AHNAK: variants seen among roughly 807,000 people sequenced by gnomAD.
AHNAK encodes neuroblast differentiation-associated protein AHNAK.
AHNAK carries 23 observed loss-of-function variants against 37.8 expected under a neutral mutation model. The ratio of observed to expected loss-of-function variants is 0.61; its 90% CI spans 0.44 to 0.86. The LOEUF is 0.86. Ranked by LOEUF, AHNAK falls within the 40% of genes least tolerant of loss-of-function variation. The pLI is 0.00. For missense variants in AHNAK, 7,411 were observed against 7,319.4 expected (o/e 1.01, Z -0.46); for synonymous variants, 2,481 against 2,636.3 (o/e 0.94, Z 1.80).
rs1486423138 is a variant in AHNAK at position 62,530,672 on chromosome 11, C to A, written c.3745G>T (p.Asp1249Tyr). 2.5e-6 allele frequency: 4 copies of A among 1,613,714 alleles called. No individual in the cohort carries two copies. The Admixed American group carries it at 6.7e-5, about 27-fold the overall frequency. ...ATCTTGGGCATCTTCAGGTGCCAGT[C>A]TGGGCCTTGAACCTCCACATCTGGG... ...DAPDVEVQGP[D>Y]WHLKMPKMKM... is the part of the protein sequence containing the mutation. The change falls in exon 5 of 5, where the codon GAC (aspartate) becomes TAC (tyrosine). Residue 1249 changes from aspartate to tyrosine, a missense_variant. By Grantham distance (160) the Asp-to-Tyr change is radical (BLOSUM62 -3). Coordinates refer to ENST00000378024, the MANE Select transcript of AHNAK (RefSeq NM_001620.3).
intron 5 of AHNAK, among the ~76,000 whole-genome samples, chr11:62,451,174 G>A (rs945545530): frequency 1.0e-4 from 15 of 150,722 alleles, no homozygotes; most frequent in African/African-American, 3.6e-4. Flanking sequence ...TCCGCCTCCT[G>A]GCTTCAAAGC....
intron 4 of AHNAK, among the ~76,000 whole-genome samples, chr11:62,509,875 A>C (rs1939878184): frequency 6.6e-6 from 1 of 151,762 alleles, no homozygotes; most frequent in African/African-American, 2.4e-5. Context: ...CTAAGATCGC[A>C]CCACTACACT....
downstream of AHNAK, chr11:62,515,822 C>T (rs1186123929): frequency 1.2e-5 from 12 of 963,330 alleles, no homozygotes; most frequent in Admixed American, 4.9e-5. Context: ...CAGATGGATC[C>T]GGTCTGAACA....
intron 4 of AHNAK, among the ~76,000 whole-genome samples, chr11:62,497,881 T>C (rs993307904): frequency 2.0e-5 from 3 of 151,996 alleles, no homozygotes; most frequent in African/African-American, 7.3e-5. Context: ...GGAGAATCGC[T>C]TGAACCTGGG....
intron 5 of AHNAK, among the ~76,000 whole-genome samples, chr11:62,481,089 GTTTTTTTTTTTTTGGT>G (rs1468347268): frequency 7.4e-5 from 3 of 40,300 alleles, no homozygotes; most frequent in South Asian, 4.9e-3. Context: ...TCTTTTTTTG[GTTTTTTTTTTTTTGGT>G]TTTTTTTTTG....
chr11:62,493,583 C>A (rs73500219), intron 4 of AHNAK, among the ~76,000 whole-genome samples: 21,604 of 151,314 alleles, frequency 0.14, 3,876 homozygotes, highest in African/African-American at 0.42. Flanking sequence ...ATCCACTCAC[C>A]TCGGCCTCCC....
At chr11:62,469,709 C>G (rs545831947) in intron 5 of AHNAK, among the ~76,000 whole-genome samples, 1 of 152,228 alleles carries the variant, frequency 6.6e-6, no homozygotes, top group African/African-American at 2.4e-5. Context: ...CTCACGTGAT[C>G]TGCCCACCTC....
At chr11:62,537,121 C>G (rs894955784) in intron 1 of AHNAK, among the ~76,000 whole-genome samples, 1 of 151,792 alleles carries the variant, frequency 6.6e-6, no homozygotes, top group African/African-American at 2.4e-5. Context: ...GCACCACACC[C>G]GGCTAATTTT....
rs774494552 is a variant in AHNAK at position 62,528,638 on chromosome 11, C to A, written c.5779G>T (p.Val1927Leu). ...FKAPKISMPDVDLHLKGPKVK... is the reference protein window; with the variant it reads ...FKAPKISMPDLDLHLKGPKVK... ...TTGGGGCCTTTCAAGTGTAAGTCCACATCAGGCATGGAGATCTTGGGGGCC... is the reference window on the plus strand; with the variant it reads ...TTGGGGCCTTTCAAGTGTAAGTCCAAATCAGGCATGGAGATCTTGGGGGCC... The change falls in exon 5 of 5, where the codon GTG becomes TTG. Residue 1927 changes from valine (V) to leucine (L), a missense_variant. By Grantham distance (32) the Val-to-Leu change is conservative. Transcript: ENST00000378024. 7 of 1,610,658 alleles carry A rather than the reference C, an allele frequency of 4.3e-6. No homozygotes were observed. In the Admixed American group the frequency reaches 1.0e-4, roughly 23 times the overall value.
exon 6 of AHNAK, chr11:62,433,688 G>T: frequency 1.5e-6 from 1 of 656,898 alleles, no homozygotes; most frequent in Non-Finnish European, 2.6e-6. Flanking sequence ...GGCTTATGCA[G>T]CAGCCCTCGG....
intron 4 of AHNAK, chr11:62,491,932 C>T (rs1186711531): frequency 1.7e-5 from 17 of 1,022,214 alleles, no homozygotes. Flanking sequence ...CCAGAGACCC[C>T]ACGTTTACCA....
At position 62,532,287 on chromosome 11, in the gene AHNAK, C is replaced by T. The variant is rs899202572; in HGVS notation, c.2130G>A (p.Lys710=). 6.2e-7 allele frequency: 1 copy of T among 1,613,470 alleles called. No homozygotes were observed. Among genetic ancestry groups the T allele is most frequent in the Non-Finnish European group, 8.5e-7 (1 of 1,179,904 alleles). Residue 710 remains lysine, a synonymous_variant, in exon 5 of 5, where the codon AAG becomes AAA. Transcript: ENST00000378024. The part of the protein sequence containing the change: ...PDVDLHVKGT[K]VKGEYDVTVP... ...CAGTTACATCATACTCTCCCTTCACCTTTGTACCTTTCACGTGCAAATCTA... is the reference window on the plus strand; with the variant it reads ...CAGTTACATCATACTCTCCCTTCACTTTTGTACCTTTCACGTGCAAATCTA...
In AHNAK at chr11:62,533,753, C is replaced by G; in HGVS notation, c.664G>C (p.Val222Leu). 6.2e-7 allele frequency: 1 copy of G among 1,614,208 alleles called. No individual in the cohort carries two copies. The highest frequency in any genetic ancestry group is 8.5e-7 in the Non-Finnish European group (1 of 1,180,042). ...GAAATGGCCCCTGCTCGGATATCCA[C>G]AGCAGAGCCTGTCGGAGAGGCTGCC... ...SGAASPTGSA[V>L]DIRAGAISAS... Residue 222 changes from valine to leucine, a missense_variant, in exon 5 of 5, where the codon GTG (valine) becomes CTG (leucine). Transcript: ENST00000378024.
intron 5 of AHNAK, among the ~76,000 whole-genome samples, chr11:62,465,529 C>T (rs2134835706): frequency 6.6e-6 from 1 of 152,250 alleles, no homozygotes; most frequent in Non-Finnish European, 1.5e-5. Flanking sequence ...AGGAGAATCA[C>T]TTGAACCCAG....
At position 62,520,164 on chromosome 11, in the gene AHNAK, C is replaced by T. The variant is rs777157617; in HGVS notation, c.14253G>A (p.Lys4751=). The part of the protein sequence containing the change: ...VTLPKVEGDL[K]GPEADIKGPK... ...GGCCCTTGATGTCAGCTTCTGGGCCCTTGAGGTCACCTTCCACTTTAGGAA... is the reference window on the plus strand; with the variant it reads ...GGCCCTTGATGTCAGCTTCTGGGCCTTTGAGGTCACCTTCCACTTTAGGAA... Residue 4751 remains lysine, a synonymous_variant, in exon 5 of 5, where the codon AAG becomes AAA. Coordinates refer to ENST00000378024, the MANE Select transcript of AHNAK (RefSeq NM_001620.3). 1 of 1,613,432 alleles carries T rather than the reference C, an allele frequency of 6.2e-7. No individual in the cohort carries two copies.
In AHNAK at chr11:62,524,349, T is replaced by C. The variant is rs760997691; in HGVS notation, c.10068A>G (p.Lys3356=). ...GAACTTTAGAGCCCGAAAAATTAAA[T>C]TTGGGAAGCTTAAAACGAGATTTCT... ...KSKKSRFKLP[K]FNFSGSKVQT... The change falls in exon 5 of 5, where the codon AAA becomes AAG. Residue 3356 remains lysine, a synonymous_variant. Coordinates refer to ENST00000378024, the MANE Select transcript of AHNAK (RefSeq NM_001620.3). 1.7e-5 allele frequency: 27 copies of C among 1,612,984 alleles called. 2 individuals carry two copies. The South Asian group carries it at 3.0e-4, about 18-fold the overall frequency.
chr11:62,439,761 G>A (rs550069926), intron 5 of AHNAK, among the ~76,000 whole-genome samples: 59 of 146,474 alleles, frequency 4.0e-4, no homozygotes, highest in African/African-American at 1.5e-3. Context: ...TCCGCCTCCC[G>A]GGTTCAAGTG....
At chr11:62,498,360 T>C (rs1939651286) in intron 4 of AHNAK, among the ~76,000 whole-genome samples, 2 of 151,798 alleles carry the variant, frequency 1.3e-5, no homozygotes, top group Non-Finnish European at 1.5e-5. Flanking sequence ...TCTTGTATTG[T>C]TTTAATTTTT....
intron 5 of AHNAK, among the ~76,000 whole-genome samples, chr11:62,474,779 G>T (rs12288518): frequency 0.089 from 13,540 of 152,232 alleles, 2,014 homozygotes; most frequent in African/African-American, 0.31. Context: ...CCTGGAAATA[G>T]GAGAGTGAGC....
Sources: allele counts gnomAD v4.1 joint callset (sites outside exome capture counted in the v4.1 genomes callset), GRCh38; gene constraint gnomAD v4.1.1; transcripts MANE v1.5; gene names NCBI Gene and HGNC (gene_info 2026-07-23, HGNC 2026-07-21).